The following SNTG1 variants were observed in gnomAD, a reference collection of about 807,000 sequenced individuals.
The protein encoded by SNTG1 is gamma-1-syntrophin.
In SNTG1, 39 loss-of-function variants were observed where a neutral mutation model predicts 74.7. That is an observed-to-expected ratio of 0.52 (90% confidence interval 0.40 to 0.68). SNTG1 has a LOEUF of 0.68. SNTG1 is among the 30% of genes least tolerant of loss of function. The pLI is 0.00. For missense variants in SNTG1, 685 were observed against 609.5 expected (o/e 1.12, Z -1.30); for synonymous variants, 254 against 217.1 (o/e 1.17, Z -1.49).
intron 1 of SNTG1, among the ~76,000 whole-genome samples, chr8:50,052,209 G>A (rs1226800617): frequency 6.6e-6 from 1 of 152,046 alleles, no homozygotes; most frequent in Non-Finnish European, 1.5e-5. Flanking sequence ...TTACTGTAAT[G>A]TAATATAAAG....
intron 2 of SNTG1, among the ~76,000 whole-genome samples, chr8:50,185,814 TG>T (rs1318323802): frequency 6.6e-6 from 1 of 151,676 alleles, no homozygotes; most frequent in African/African-American, 2.4e-5. Flanking sequence ...ATAACACTAT[TG>T]TTTTTTATTT....
chr8:50,182,165 G>C (rs1036050409), intron 2 of SNTG1, among the ~76,000 whole-genome samples: 1 of 152,126 alleles, frequency 6.6e-6, no homozygotes, highest in Non-Finnish European at 1.5e-5. Context: ...GAGCACCCCA[G>C]TCTAAATGCC....
chr8:50,482,018 G>T (rs1353535018), intron 8 of SNTG1, among the ~76,000 whole-genome samples: 1 of 152,146 alleles, frequency 6.6e-6, no homozygotes, highest in Non-Finnish European at 1.5e-5. Flanking sequence ...TTTATGAAGT[G>T]AACATAGGAA....
intron 18 of SNTG1, among the ~76,000 whole-genome samples, chr8:50,788,852 C>G (rs976851327): frequency 2.6e-5 from 4 of 151,916 alleles, no homozygotes; most frequent in African/African-American, 9.7e-5. Flanking sequence ...CTCCTGCGGC[C>G]TCAGATCAAT....
chr8:50,537,909 G>T (rs1457953380), intron 11 of SNTG1, among the ~76,000 whole-genome samples: 1 of 152,086 alleles, frequency 6.6e-6, no homozygotes, highest in Non-Finnish European at 1.5e-5. Context: ...TGTCCCATAG[G>T]CTGTAGTTTG....
In SNTG1 at chr8:50,714,708, A is replaced by G. The variant is rs147286446; in HGVS notation, c.1284+5730A>G. 5.3e-3 allele frequency among the ~76,000 whole-genome samples: 800 copies of G among 152,218 alleles called. 4 individuals are homozygous for G. Among genetic ancestry groups the G allele is most frequent in the Non-Finnish European group, 9.1e-3 (618 of 68,008 alleles). On this transcript the variant is annotated intron_variant, in intron 17 of 18. Transcript: ENST00000642720. The stretch of plus-strand genomic sequence containing the variant: ...GAGACATCAGTACAATTGAAAGTTA[A>G]CGTTCCAGGAGGTGGGTGTGGAGAG...
intron 9 of SNTG1, among the ~76,000 whole-genome samples, chr8:50,513,757 G>A (rs147366316): frequency 0.02 from 3,111 of 152,312 alleles, 103 homozygotes; most frequent in African/African-American, 0.063. Context: ...TGCTAAGACC[G>A]TTGGAAAAGT....
At chr8:50,600,227 C>T (rs368496810) in intron 13 of SNTG1, among the ~76,000 whole-genome samples, 1 of 151,828 alleles carries the variant, frequency 6.6e-6, no homozygotes, top group South Asian at 2.1e-4. Context: ...ATTTTTGCAT[C>T]AGTTTTCATC....
chr8:50,093,379 A>G (rs2079811958), intron 1 of SNTG1, among the ~76,000 whole-genome samples: 1 of 152,128 alleles, frequency 6.6e-6, no homozygotes, highest in Non-Finnish European at 1.5e-5. Context: ...AGACATCATC[A>G]TTACCTAATA....
intron 15 of SNTG1, among the ~76,000 whole-genome samples, chr8:50,688,577 C>A (rs1176635010): frequency 6.6e-6 from 1 of 152,094 alleles, no homozygotes; most frequent in East Asian, 1.9e-4. Flanking sequence ...AGATATGCGG[C>A]ATTATTTCTG....
At chr8:50,536,193 G>A (rs1432631922) in intron 10 of SNTG1, among the ~76,000 whole-genome samples, 1 of 152,112 alleles carries the variant, frequency 6.6e-6, no homozygotes, top group Admixed American at 6.6e-5. Flanking sequence ...TTTGAAAGTT[G>A]TTTTATAGGA....
intron 4 of SNTG1, among the ~76,000 whole-genome samples, chr8:50,421,961 T>C (rs773250878): frequency 1.3e-5 from 2 of 152,098 alleles, no homozygotes; most frequent in African/African-American, 2.4e-5. Context: ...AGGAGGAAGA[T>C]TGACTCTCAA....
At chr8:50,138,710 A>G (rs1041633371) in intron 1 of SNTG1, among the ~76,000 whole-genome samples, 4 of 151,270 alleles carry the variant, frequency 2.6e-5, no homozygotes, top group Non-Finnish European at 4.4e-5. Flanking sequence ...ACTGAAGGAC[A>G]TGCAGTTCAT....
chr8:50,570,217 G>C (rs1279741903), intron 12 of SNTG1, among the ~76,000 whole-genome samples: 2 of 39,164 alleles, frequency 5.1e-5, no homozygotes, highest in Non-Finnish European at 1.2e-4. Context: ...GGTTCATATG[G>C]TGGTTCTATT....
Position 50,795,841 on chromosome 8 carries a change from T to A in SNTG1, c.*3012T>A, listed in dbSNP as rs533764345. ...AAAATAGTTTAATAGATAGTGTAAGTGTAATGTATATCTGAACACTTATCC... is the reference window on the plus strand; with the variant it reads ...AAAATAGTTTAATAGATAGTGTAAGAGTAATGTATATCTGAACACTTATCC... On this transcript the variant is annotated 3_prime_UTR_variant, in exon 19 of 19. Transcript: ENST00000642720. 6.6e-6 allele frequency: 1 copy of A among 152,210 alleles called. No homozygotes were observed. The highest frequency in any genetic ancestry group is 2.1e-4 in the South Asian group (1 of 4,834). 9.4% of individuals were successfully genotyped at this position (152,210 alleles called of 1,614,324 possible).
intron 8 of SNTG1, among the ~76,000 whole-genome samples, chr8:50,493,095 GA>G: frequency 6.6e-6 from 1 of 152,252 alleles, no homozygotes; most frequent in South Asian, 2.1e-4. Context: ...ATGGTGTTGG[GA>G]AAATTGGCTA....
At chr8:50,233,637 AT>A (rs2085743140) in intron 2 of SNTG1, among the ~76,000 whole-genome samples, 1 of 151,682 alleles carries the variant, frequency 6.6e-6, no homozygotes, top group Non-Finnish European at 1.5e-5. Context: ...CTGGCAAAAA[AT>A]AGCTTCAAAC....
At chr8:50,766,852 T>C (rs900458976) in intron 18 of SNTG1, among the ~76,000 whole-genome samples, 14 of 151,910 alleles carry the variant, frequency 9.2e-5, no homozygotes, top group Non-Finnish European at 1.9e-4. Context: ...TTTAATAAAG[T>C]GCTACATTTT....
chr8:50,604,408 C>G (rs1282847527), intron 13 of SNTG1, among the ~76,000 whole-genome samples: 1 of 151,406 alleles, frequency 6.6e-6, no homozygotes, highest in Non-Finnish European at 1.5e-5. Context: ...AGAGGAAGAC[C>G]CTCTTTCAAA....
Sources: gnomAD v4.1 joint callset for allele counts (sites outside exome capture counted in the v4.1 genomes callset) on GRCh38, gnomAD v4.1.1 for gene constraint, MANE v1.5 for transcripts, NCBI Gene and HGNC (gene_info 2026-07-23, HGNC 2026-07-21) for gene names.